DAP: variants seen among roughly 807,000 people sequenced by gnomAD.
The protein encoded by DAP is death-associated protein 1.
DAP carries 8 observed loss-of-function variants against 13.8 expected under a neutral mutation model. That is an observed-to-expected ratio of 0.58 (90% CI 0.34 to 1.05). DAP has a LOEUF of 1.05. Among genes scored for constraint, DAP ranks in the 50% least tolerant of loss-of-function variants. DAP has a pLI of 0.03. For missense variants in DAP, 106 were observed against 133.2 expected (o/e 0.80, Z 1.01); for synonymous variants, 47 against 47.5 (o/e 0.99, Z 0.04).
At chr5:10,733,196 G>GTA (rs1337437745) in intron 2 of DAP, among the ~76,000 whole-genome samples, 93 of 122,882 alleles carry the variant, frequency 7.6e-4, no homozygotes, top group African/African-American at 2.6e-3. Context: ...GTGTGTGTGT[G>GTA]TGTGTGTGTG....
At chr5:10,683,329 G>T in intron 3 of DAP, 200 bp downstream of exon 3, 1 of 672,402 alleles carries the variant, frequency 1.5e-6, no homozygotes, top group Non-Finnish European at 2.7e-6. Context: ...CTCTGGAAAG[G>T]TAAAGGATGC....
chr5:10,681,868 T>C, intron 3 of DAP, among the ~76,000 whole-genome samples: 1 of 151,540 alleles, frequency 6.6e-6, no homozygotes, highest in East Asian at 2.0e-4. Flanking sequence ...GCATGGTGTT[T>C]GTGGGTGAGG....
rs938501457 is a variant in DAP at position 10,729,956 on chromosome 5, C to T, written c.152+18219G>A. The stretch of plus-strand genomic sequence containing the variant: ...CTACCCTAGCATCTGTCTTCATTTC[C>T]TCTTTCCACATGCATTCTGCAGAAG... On this transcript the variant is annotated intron_variant, in intron 2 of 3. Transcript: ENST00000230895. 7.9e-5 allele frequency among the ~76,000 whole-genome samples: 12 copies of T among 152,362 alleles called. No homozygotes were observed. The East Asian group carries it at 2.3e-3, about 29-fold the overall frequency.
chr5:10,723,128 C>T (rs1310071826), intron 2 of DAP, among the ~76,000 whole-genome samples: 2 of 152,204 alleles, frequency 1.3e-5, no homozygotes, highest in Admixed American at 6.5e-5. Context: ...CTTGCCATCA[C>T]AGTCTCCTCT....
rs1468211019 is a variant in DAP, at chr5:10,724,494, G to T, written c.152+23681C>A. Among the ~76,000 whole-genome samples the T allele has an allele frequency of 2.6e-5, 4 of 152,318 alleles. No individual in the cohort carries two copies. In the East Asian group the frequency reaches 7.7e-4, roughly 29 times the overall value. On this transcript the variant is annotated intron_variant, in intron 2 of 3. Transcript: ENST00000230895. Reference sequence around the variant, plus strand: ...GAGGAAACAGGCACCAAAGGTTCATGATTTACCAGGGGCCACCCAGGAGCA... The same window carrying T: ...GAGGAAACAGGCACCAAAGGTTCATTATTTACCAGGGGCCACCCAGGAGCA...
intron 2 of DAP, among the ~76,000 whole-genome samples, chr5:10,731,729 G>A (rs1739466594): frequency 6.6e-6 from 1 of 152,196 alleles, no homozygotes; most frequent in Non-Finnish European, 1.5e-5. Flanking sequence ...TGGCCAATGA[G>A]TTTGCTAGGG....
chr5:10,727,715 G>C (rs1310855672), intron 2 of DAP, among the ~76,000 whole-genome samples: 1 of 152,180 alleles, frequency 6.6e-6, no homozygotes, highest in Non-Finnish European at 1.5e-5. Context: ...TATGTTTCTG[G>C]GAGTATAAAT....
chr5:10,684,551 G>A lies in DAP; in HGVS notation c.153-980C>T, dbSNP rs145328891. ...CCACCTGGAAACACACACTGTTAAC[G>A]TGGGGCTATCCTCCCAGGCTTTCCT... On this transcript the variant is annotated intron_variant, in intron 2 of 3. Transcript: ENST00000230895. Among the ~76,000 whole-genome samples the A allele has an allele frequency of 5.0e-3, 766 of 152,320 alleles. 6 individuals carry two copies. The highest frequency in any genetic ancestry group is 0.017 in the African/African-American group (720 of 41,564).
chr5:10,738,127 C>A (rs545023517), intron 2 of DAP, among the ~76,000 whole-genome samples: 83 of 152,348 alleles, frequency 5.4e-4, no homozygotes, highest in African/African-American at 1.9e-3. Flanking sequence ...AGCATTCTGG[C>A]CTCCAGAACT....
chr5:10,757,234 T>C (rs922478980), intron 1 of DAP, among the ~76,000 whole-genome samples: 20 of 151,830 alleles, frequency 1.3e-4, no homozygotes, highest in Non-Finnish European at 2.8e-4. Flanking sequence ...ACTAGGTCAC[T>C]AGCTCAGGGG....
At chr5:10,754,325 G>A (rs1011711519) in intron 1 of DAP, among the ~76,000 whole-genome samples, 11 of 152,272 alleles carry the variant, frequency 7.2e-5, no homozygotes, top group African/African-American at 2.4e-4. Flanking sequence ...TTTCAGGTGT[G>A]CATAGATAAG....
At chr5:10,729,914 G>T (rs1739391842) in intron 2 of DAP, among the ~76,000 whole-genome samples, 1 of 152,250 alleles carries the variant, frequency 6.6e-6, no homozygotes, top group South Asian at 2.1e-4. Context: ...TGCCTGCACA[G>T]CTGTGTCCTG....
intron 2 of DAP, among the ~76,000 whole-genome samples, chr5:10,693,123 C>T (rs939826151): frequency 5.6e-4 from 26 of 46,202 alleles, no homozygotes; most frequent in Admixed American, 4.6e-3. Flanking sequence ...AACATGCACA[C>T]GCACACACAC....
chr5:10,757,475 T>C lies in DAP; in HGVS notation c.55+3539A>G, dbSNP rs372221495. Among the ~76,000 whole-genome samples the C allele has an allele frequency of 5.3e-5, 8 of 152,218 alleles. No individual in the cohort carries two copies. In the East Asian group the frequency reaches 1.4e-3, roughly 26 times the overall value. ...TTTTGGTAGAGACGGGGTTTCACCA[T>C]GTTGGCCAGGCTAGTCTTGAACTCC... On this transcript the variant is annotated intron_variant, in intron 1 of 3. Coordinates refer to ENST00000230895, the MANE Select transcript of DAP (RefSeq NM_004394.3).
chr5:10,689,567 A>T (rs1243878803), intron 2 of DAP, among the ~76,000 whole-genome samples: 1 of 152,202 alleles, frequency 6.6e-6, no homozygotes, highest in African/African-American at 2.4e-5. Context: ...GCTCATAAAG[A>T]CAGAGGATGT....
intron 1 of DAP, among the ~76,000 whole-genome samples, chr5:10,755,117 T>C (rs933042040): frequency 1.3e-5 from 2 of 152,186 alleles, no homozygotes; most frequent in Non-Finnish European, 2.9e-5. Context: ...CAAGGGTCTC[T>C]GAATGTGAAA....
At chr5:10,731,271 A>C (rs1739452904) in intron 2 of DAP, among the ~76,000 whole-genome samples, 1 of 150,494 alleles carries the variant, frequency 6.6e-6, no homozygotes, top group Admixed American at 6.6e-5. Flanking sequence ...GGTGGGGGGA[A>C]TCTTTCTCTA....
intron 1 of DAP, among the ~76,000 whole-genome samples, chr5:10,754,065 G>T (rs1338943912): frequency 1.3e-5 from 2 of 152,204 alleles, no homozygotes; most frequent in African/African-American, 4.8e-5. Flanking sequence ...AGGGACTATG[G>T]CCTATCTTAG....
intron 2 of DAP, among the ~76,000 whole-genome samples, chr5:10,694,810 C>T (rs543646620): frequency 1.1e-4 from 17 of 152,236 alleles, no homozygotes; most frequent in East Asian, 3.9e-4. Context: ...CCAGCACATG[C>T]GCTCATTGAC....
Sources: allele counts gnomAD v4.1 joint callset (sites outside exome capture counted in the v4.1 genomes callset), GRCh38; gene constraint gnomAD v4.1.1; transcripts MANE v1.5; gene names NCBI Gene and HGNC (gene_info 2026-07-23, HGNC 2026-07-21).